The following ADD3 variants were observed in gnomAD, a reference collection of about 807,000 sequenced individuals.
The protein encoded by ADD3 is gamma-adducin.
Under a neutral mutation model 80.2 loss-of-function variants are expected in ADD3, and 25 were observed. The ratio of observed to expected loss-of-function variants is 0.31; its 90% CI spans 0.23 to 0.44. The LOEUF is 0.44. ADD3 is among the 20% of genes least tolerant of loss of function. ADD3 has a pLI of 1.00. For missense variants in ADD3, 829 were observed against 847.5 expected (o/e 0.98, Z 0.27); for synonymous variants, 284 against 289.6 (o/e 0.98, Z 0.20).
At chr10:110,125,973 G>C in intron 11 of ADD3, 28 bp downstream of exon 11, 1 of 1,574,708 alleles carries the variant, frequency 6.4e-7, no homozygotes. Context: ...ATAGCCAGGG[G>C]AGACATTTTA....
At chr10:110,040,642 G>A (rs138978869) in intron 1 of ADD3, among the ~76,000 whole-genome samples, 84 of 152,320 alleles carry the variant, frequency 5.5e-4, no homozygotes, top group African/African-American at 1.9e-3. Context: ...GAAGTGGATT[G>A]ATGTGGTCAG....
At chr10:109,999,425 C>T (rs1324190430) in intron 1 of ADD3, among the ~76,000 whole-genome samples, 2 of 152,192 alleles carry the variant, frequency 1.3e-5, no homozygotes, top group African/African-American at 4.8e-5. Flanking sequence ...TAAAGTTCTG[C>T]TCTTCCCACT....
chr10:110,062,410 A>G (rs1859034426), intron 1 of ADD3, among the ~76,000 whole-genome samples: 2 of 135,916 alleles, frequency 1.5e-5, no homozygotes, highest in African/African-American at 7.0e-5. Context: ...GTGAAACTCC[A>G]TCTCAAAAAA....
At chr10:110,068,370 C>A (rs1844243459) in intron 1 of ADD3, among the ~76,000 whole-genome samples, 1 of 152,192 alleles carries the variant, frequency 6.6e-6, no homozygotes, top group Non-Finnish European at 1.5e-5. Context: ...CAGATTCAAC[C>A]AACCACAGAT....
upstream of ADD3, among the ~76,000 whole-genome samples, chr10:110,006,798 C>T (rs1346891313): frequency 6.7e-6 from 1 of 149,270 alleles, no homozygotes; most frequent in East Asian, 2.0e-4. Context: ...TTGAGGGGGA[C>T]GAGTCTGCAG....
intron 2 of ADD3, among the ~76,000 whole-genome samples, chr10:110,101,141 A>G (rs1370087877): frequency 1.3e-5 from 2 of 152,242 alleles, no homozygotes; most frequent in Non-Finnish European, 1.5e-5. Flanking sequence ...AAGAAAAGAA[A>G]GGCATGACTC....
intron 4 of ADD3, among the ~76,000 whole-genome samples, chr10:110,116,831 C>T (rs1044914821): frequency 1.3e-5 from 2 of 152,058 alleles, no homozygotes; most frequent in Non-Finnish European, 2.9e-5. Context: ...TTTATTTTGC[C>T]ACACTTGGAA....
Position 110,117,338 on chromosome 10 carries a change from C to A in ADD3, c.487-4C>A. 1 of 1,509,952 alleles carries A rather than the reference C, an allele frequency of 6.6e-7. No homozygotes were observed. The allele number at this position is 1,509,952 out of a possible 1,614,324, so 93.5% of individuals were successfully genotyped here. A position where few individuals can be genotyped will look rare whatever the true frequency, so the allele number is the denominator to read the frequency against. On this transcript the variant is annotated splice_region_variant and splice_polypyrimidine_tract_variant and intron_variant, in intron 4 of 14. Coordinates refer to ENST00000356080, the MANE Select transcript of ADD3 (RefSeq NM_016824.5). ...TAGTAATTCCCTGTTGTTTTTTTTT[C>A]CAGGTAAGAATAAGTAAGGAGCAAG...
At chr10:110,078,693 T>A (rs1367979371) in intron 1 of ADD3, among the ~76,000 whole-genome samples, 1 of 152,190 alleles carries the variant, frequency 6.6e-6, no homozygotes, top group Non-Finnish European at 1.5e-5. Flanking sequence ...GACCCAATCA[T>A]GACACACACG....
At position 110,117,333 on chromosome 10, in the gene ADD3, T is replaced by C. The variant is rs1171062235; in HGVS notation, c.487-9T>C. 6 of 1,526,510 alleles carry C rather than the reference T, an allele frequency of 3.9e-6. No homozygotes were observed. The Admixed American group carries it at 8.6e-5, about 22-fold the overall frequency. 94.6% of individuals were successfully genotyped at this position (1,526,510 alleles called of 1,614,324 possible). ...CTTCATAGTAATTCCCTGTTGTTTTTTTTTCCAGGTAAGAATAAGTAAGGA... is the reference window on the plus strand; with the variant it reads ...CTTCATAGTAATTCCCTGTTGTTTTCTTTTCCAGGTAAGAATAAGTAAGGA... On this transcript the variant is annotated splice_polypyrimidine_tract_variant and intron_variant, in intron 4 of 14. Coordinates refer to ENST00000356080, the MANE Select transcript of ADD3 (RefSeq NM_016824.5).
intron 1 of ADD3, among the ~76,000 whole-genome samples, chr10:110,077,930 C>G (rs977843760): frequency 2.6e-5 from 4 of 152,122 alleles, no homozygotes; most frequent in African/African-American, 9.7e-5. Context: ...TCTATACTCT[C>G]TGGTGTGTGG....
chr10:110,133,376 A>G lies in ADD3; in HGVS notation c.1879A>G (p.Met627Val), dbSNP rs1305106387. Residue 627 changes from methionine (M) to valine (V), a missense_variant, in exon 15 of 15, where the codon ATG becomes GTG. Transcript: ENST00000356080. ...KSFISMEVPV[M>V]VVNGKDDMHD... The stretch of plus-strand genomic sequence containing the variant: ...CTTCATCTCCATGGAAGTGCCTGTC[A>G]TGGTAGTAAATGGCAAGGATGATAT... 2.5e-6 allele frequency: 4 copies of G among 1,608,390 alleles called. No individual in the cohort carries two copies. The highest frequency in any genetic ancestry group is 4.5e-5 in the East Asian group (2 of 44,756).
At chr10:110,132,537 T>C in intron 14 of ADD3, 137 bp downstream of exon 14, 1 of 593,856 alleles carries the variant, frequency 1.7e-6, no homozygotes, top group South Asian at 2.1e-5. Context: ...TCCCAATAAT[T>C]ACATATTTTA....
chr10:110,111,920 A>AG (rs1233757891), intron 2 of ADD3, among the ~76,000 whole-genome samples: 1 of 152,158 alleles, frequency 6.6e-6, no homozygotes, highest in East Asian at 1.9e-4. Context: ...TCTCAAAAAA[A>AG]AAAGAAAAAA....
At chr10:110,121,883 G>A (rs190420807) in intron 8 of ADD3, 2 of 380,362 alleles carry the variant, frequency 5.3e-6, no homozygotes, top group East Asian at 8.0e-5. Flanking sequence ...GCTCTAATGT[G>A]TTTTCCATCA....
intron 1 of ADD3, among the ~76,000 whole-genome samples, chr10:110,081,825 G>A (rs1846091397): frequency 6.6e-6 from 1 of 152,190 alleles, no homozygotes; most frequent in African/African-American, 2.4e-5. Context: ...ATTGTGGCAT[G>A]TATAACTAAG....
chr10:110,082,731 A>T (rs1473514051), intron 1 of ADD3, among the ~76,000 whole-genome samples: 17 of 152,184 alleles, frequency 1.1e-4, no homozygotes, highest in Non-Finnish European at 8.8e-5. Context: ...GTAAATATAG[A>T]TTTTTAGAAA....
chr10:110,012,147 T>TA (rs1278338715), intron 1 of ADD3, among the ~76,000 whole-genome samples: 5 of 152,246 alleles, frequency 3.3e-5, no homozygotes, highest in African/African-American at 1.2e-4. Context: ...TAGGTAAAGT[T>TA]AAAAATTATT....
intron 1 of ADD3, among the ~76,000 whole-genome samples, chr10:110,065,772 T>C (rs1334286535): frequency 2.6e-5 from 4 of 151,522 alleles, no homozygotes; most frequent in Non-Finnish European, 5.9e-5. Flanking sequence ...ACTCCTGACC[T>C]TAAATGATCC....
Sources: allele counts gnomAD v4.1 joint callset (sites outside exome capture counted in the v4.1 genomes callset), GRCh38; gene constraint gnomAD v4.1.1; transcripts MANE v1.5; gene names NCBI Gene and HGNC (gene_info 2026-07-23, HGNC 2026-07-21).